Variants in NTRK2 observed in about 807,000 individuals in gnomAD.
The protein encoded by NTRK2 is BDNF/NT-3 growth factors receptor.
Under a neutral mutation model 94.5 loss-of-function variants are expected in NTRK2, and 13 were observed. The ratio of observed to expected loss-of-function variants is 0.14; its 90% confidence interval spans 0.09 to 0.22. NTRK2 has a LOEUF of 0.22. Ranked by LOEUF, NTRK2 falls within the 10% of genes least tolerant of loss-of-function variation. NTRK2 has a pLI of 1.00. For synonymous variants in NTRK2, 372 were observed against 407.4 expected (o/e 0.91, Z 1.05); for missense variants, 639 against 1,071.2 (o/e 0.60, Z 5.63).
At chr9:84,944,192 TTCTCTCTC>T (rs61035000) in intron 15 of NTRK2, among the ~76,000 whole-genome samples, 4 of 135,166 alleles carry the variant, frequency 3.0e-5, no homozygotes, top group East Asian at 2.1e-4. Flanking sequence ...GAAAAGCTTG[TTCTCTCTC>T]TCTCTCTCTC....
At chr9:84,770,189 CACACAA>C (rs1177023350) in intron 12 of NTRK2, among the ~76,000 whole-genome samples, 2 of 151,688 alleles carry the variant, frequency 1.3e-5, no homozygotes, top group African/African-American at 2.4e-5. Flanking sequence ...CACACACACA[CACACAA>C]ACACACAGCT....
chr9:84,847,528 G>A (rs1339483656), intron 12 of NTRK2, among the ~76,000 whole-genome samples: 2 of 152,140 alleles, frequency 1.3e-5, no homozygotes, highest in African/African-American at 4.8e-5. Context: ...TTGTCTTATG[G>A]TTGCAGGACA....
intron 17 of NTRK2, among the ~76,000 whole-genome samples, chr9:84,975,613 C>T (rs1826744910): frequency 6.6e-6 from 1 of 152,162 alleles, no homozygotes; most frequent in South Asian, 2.1e-4. Flanking sequence ...ACGTTATTAC[C>T]AGTGAACTAA....
intron 17 of NTRK2, among the ~76,000 whole-genome samples, chr9:85,000,271 CA>C (rs914078327): frequency 6.4e-4 from 97 of 152,254 alleles, no homozygotes; most frequent in African/African-American, 2.3e-3. Context: ...CCATAGCTTA[CA>C]TTAAGGTTCA....
chr9:84,678,724 A>T (rs979412315), intron 2 of NTRK2, among the ~76,000 whole-genome samples: 2 of 152,188 alleles, frequency 1.3e-5, no homozygotes, highest in Non-Finnish European at 2.9e-5. Context: ...AAACAAAACA[A>T]AACAAAACAA....
intron 16 of NTRK2, among the ~76,000 whole-genome samples, chr9:84,951,111 T>C (rs901134650): frequency 6.6e-6 from 1 of 152,224 alleles, no homozygotes. Flanking sequence ...ATTTTTACCC[T>C]CTTTAGCCTC....
chr9:84,808,338 C>T (rs2071366288), intron 12 of NTRK2, among the ~76,000 whole-genome samples: 1 of 152,168 alleles, frequency 6.6e-6, no homozygotes, highest in African/African-American at 2.4e-5. Flanking sequence ...TTAGTAAACT[C>T]TTGGAGTTCC....
chr9:84,821,097 T>C (rs1326918698), intron 12 of NTRK2, among the ~76,000 whole-genome samples: 1 of 152,202 alleles, frequency 6.6e-6, no homozygotes, highest in African/African-American at 2.4e-5. Flanking sequence ...CCTTGTAACC[T>C]GTTTTCTTTT....
intron 6 of NTRK2, 96 bp downstream of exon 6, chr9:84,710,887 AT>A: frequency 2.5e-6 from 3 of 1,217,914 alleles, no homozygotes; most frequent in Non-Finnish European, 3.6e-6. Flanking sequence ...CCTGGATTGT[AT>A]ATAGTATTCT....
chr9:84,857,443 A>C lies in NTRK2; in HGVS notation c.1397-3597A>C, dbSNP rs114298632. Reference sequence around the variant, plus strand: ...GATGAAACATCACAGGAAATTGAGAAATTGTTTCTTTTTGGCCTTGTGGGA... The same window carrying C: ...GATGAAACATCACAGGAAATTGAGACATTGTTTCTTTTTGGCCTTGTGGGA... On this transcript the variant is annotated intron_variant, in intron 12 of 18. Transcript: ENST00000277120. Among the ~76,000 whole-genome samples, 721 of 152,298 alleles carry C rather than the reference A, an allele frequency of 4.7e-3. 8 individuals carry two copies. Among genetic ancestry groups the C allele is most frequent in the African/African-American group, 0.016 (684 of 41,568 alleles).
chr9:84,697,239 T>G (rs907800873), intron 2 of NTRK2, among the ~76,000 whole-genome samples: 2 of 152,104 alleles, frequency 1.3e-5, no homozygotes, highest in Non-Finnish European at 2.9e-5. Context: ...TCTGAGAAGA[T>G]GAAAACTCCG....
At chr9:84,947,716 G>C (rs1240882993) in intron 15 of NTRK2, among the ~76,000 whole-genome samples, 1 of 152,220 alleles carries the variant, frequency 6.6e-6, no homozygotes, top group African/African-American at 2.4e-5. Flanking sequence ...GCCAGGATCT[G>C]GGTCATTGCC....
intron 17 of NTRK2, among the ~76,000 whole-genome samples, chr9:84,961,895 G>C (rs1268568718): frequency 1.3e-5 from 2 of 152,200 alleles, no homozygotes. Context: ...CCATTTGCAA[G>C]GAGGCCCTAG....
At chr9:84,956,922 A>G (rs1481132540) in intron 17 of NTRK2, among the ~76,000 whole-genome samples, 1 of 151,894 alleles carries the variant, frequency 6.6e-6, no homozygotes, top group Non-Finnish European at 1.5e-5. Context: ...TAGAGACCAC[A>G]TGGAAAAAGA....
At chr9:84,820,616 G>C (rs1007221987) in intron 12 of NTRK2, among the ~76,000 whole-genome samples, 2 of 152,150 alleles carry the variant, frequency 1.3e-5, no homozygotes, top group Non-Finnish European at 2.9e-5. Context: ...AGGTTCATCT[G>C]TTAATTTTTT....
Position 84,974,858 on chromosome 9 carries a change from G to A in NTRK2, c.2172+19341G>A, listed in dbSNP as rs959116311. Among the ~76,000 whole-genome samples the A allele has an allele frequency of 2.0e-5, 3 of 152,178 alleles. No individual in the cohort carries two copies. In the South Asian group the frequency reaches 6.2e-4, roughly 32 times the overall value. ...CTCAAGGAAGTCGCCGGCTGTTTGG[G>A]AGTTAAGGGGAGCAGGCCTGGATAT... On this transcript the variant is annotated intron_variant, in intron 17 of 18. Transcript: ENST00000277120.
At chr9:84,874,672 G>T (rs2076000893) in intron 14 of NTRK2, 1 of 1,062,064 alleles carries the variant, frequency 9.4e-7, no homozygotes, top group African/African-American at 1.6e-5. Flanking sequence ...GCCACATAAA[G>T]GAATCTCTCT....
At chr9:84,912,891 C>T (rs1415858148) in intron 14 of NTRK2, among the ~76,000 whole-genome samples, 1 of 152,172 alleles carries the variant, frequency 6.6e-6, no homozygotes, top group African/African-American at 2.4e-5. Flanking sequence ...GCTGGGATTA[C>T]AGGCGTGAGC....
intron 17 of NTRK2, among the ~76,000 whole-genome samples, chr9:84,992,090 ATATTTCAT>A (rs1829151934): frequency 6.6e-6 from 1 of 152,162 alleles, no homozygotes; most frequent in Admixed American, 6.5e-5. Context: ...AAGGTCTCAT[ATATTTCAT>A]TATTTTTCTA....
Sources: allele counts gnomAD v4.1 joint callset (sites outside exome capture counted in the v4.1 genomes callset), GRCh38; gene constraint gnomAD v4.1.1; transcripts MANE v1.5; gene names NCBI Gene and HGNC (gene_info 2026-07-23, HGNC 2026-07-21).